Variants in C4orf51 observed in about 807,000 individuals in gnomAD.
The protein encoded by C4orf51 is chromosome 4 open reading frame 51.
In C4orf51, 25 loss-of-function variants were observed where a neutral mutation model predicts 25.2. That is an observed-to-expected ratio of 0.99 (90% confidence interval 0.72 to 1.39). The LOEUF (loss-of-function observed/expected upper bound fraction) is 1.39, where lower values mean the gene tolerates loss of function less well. Among genes scored for constraint, C4orf51 ranks in the 40% most tolerant of loss-of-function variants. The probability of loss-of-function intolerance (pLI) is 0.00; values close to 1 mark genes in which losing one functional copy is unlikely to be tolerated. For synonymous variants in C4orf51, 100 were observed against 84.5 expected, an observed-to-expected ratio of 1.18 and a Z score of -1.01; for missense variants, 252 against 239.6, an observed-to-expected ratio of 1.05 and a Z score of -0.34.
downstream of C4orf51, among the ~76,000 whole-genome samples, chr4:145,757,121 G>C (rs1488028568): frequency 6.6e-6 from 1 of 152,142 alleles, no homozygotes; most frequent in Non-Finnish European, 1.5e-5. Flanking sequence ...TTTGGTCTCA[G>C]TTTCTTTCTC....
At chr4:145,708,673 C>G (rs531128041) in intron 2 of C4orf51, among the ~76,000 whole-genome samples, 1 of 152,296 alleles carries the variant, frequency 6.6e-6, no homozygotes, top group East Asian at 1.9e-4. Flanking sequence ...ACCAGTCTTA[C>G]CATATACCCC....
At chr4:145,740,240 C>CATAAAAAAAAAAAAAAAA (rs1733023176) in intron 1 of C4orf51, among the ~76,000 whole-genome samples, 1 of 104,836 alleles carries the variant, frequency 9.5e-6, no homozygotes, top group Non-Finnish European at 1.8e-5. Flanking sequence ...TCCCTTTCTG[C>CATAAAAAAAAAAAAAAAA]AAAAAAAAAA....
At chr4:145,703,642 A>G (rs1435121367) in intron 2 of C4orf51, among the ~76,000 whole-genome samples, 1 of 152,130 alleles carries the variant, frequency 6.6e-6, no homozygotes, top group Non-Finnish European at 1.5e-5. Context: ...GCTTTAGTAA[A>G]CTTTGCTATT....
At chr4:145,781,218 GAAAAAA>G in the C4orf51 span, among the ~76,000 whole-genome samples, 15 of 70,850 alleles carry the variant, frequency 2.1e-4, no homozygotes, top group African/African-American at 7.9e-4. Flanking sequence ...AAAAAAAAAA[GAAAAAA>G]AAAGAAAAAA....
intron 1 of C4orf51, among the ~76,000 whole-genome samples, chr4:145,753,860 A>G (rs1055353833): frequency 3.9e-5 from 6 of 152,218 alleles, no homozygotes; most frequent in African/African-American, 9.7e-5. Context: ...TAGAAGAGCT[A>G]CATCCCATCA....
At chr4:145,688,768 T>C (rs1351517175) in intron 1 of C4orf51, among the ~76,000 whole-genome samples, 1 of 152,214 alleles carries the variant, frequency 6.6e-6, no homozygotes, top group Non-Finnish European at 1.5e-5. Flanking sequence ...TCTTCCCAAA[T>C]TGATTTATAG....
At chr4:145,768,544 T>C (rs1224639586) in intron 1 of C4orf51, among the ~76,000 whole-genome samples, 3 of 152,068 alleles carry the variant, frequency 2.0e-5, no homozygotes, top group African/African-American at 7.2e-5. Flanking sequence ...AATGTTAAGA[T>C]GTCAATTATC....
intron 3 of C4orf51, 104 bp downstream of exon 3, chr4:145,727,073 A>G: frequency 3.5e-6 from 3 of 866,150 alleles, no homozygotes; most frequent in Non-Finnish European, 5.5e-6. Context: ...ATTTTTAAAA[A>G]ACAATATTCA....
chr4:145,687,951 T>G (rs1413039072), intron 1 of C4orf51, among the ~76,000 whole-genome samples: 1 of 151,958 alleles, frequency 6.6e-6, no homozygotes, highest in Non-Finnish European at 1.5e-5. Flanking sequence ...AAGAGGAAAT[T>G]AAAAAGTTAG....
chr4:145,693,442 A>T (rs1729748384), intron 1 of C4orf51, among the ~76,000 whole-genome samples: 1 of 152,134 alleles, frequency 6.6e-6, no homozygotes, highest in Non-Finnish European at 1.5e-5. Context: ...CCTTCCACAC[A>T]GACACGGCAA....
At chr4:145,702,612 C>T (rs1248979112) in intron 2 of C4orf51, among the ~76,000 whole-genome samples, 3 of 152,170 alleles carry the variant, frequency 2.0e-5, no homozygotes, top group Admixed American at 1.3e-4. Context: ...CAGCTGATAT[C>T]GCCTGGTGCT....
the C4orf51 span, among the ~76,000 whole-genome samples, chr4:145,787,448 T>A: frequency 1.5e-5 from 2 of 130,036 alleles, no homozygotes; most frequent in African/African-American, 5.9e-5. Flanking sequence ...GGTGACAGAG[T>A]GAGACTCCGT....
At chr4:145,713,684 A>G (rs777149813) in intron 2 of C4orf51, among the ~76,000 whole-genome samples, 3 of 152,258 alleles carry the variant, frequency 2.0e-5, no homozygotes, top group Non-Finnish European at 4.4e-5. Flanking sequence ...ATAATATTAC[A>G]TAAACTGAAC....
intron 3 of C4orf51, among the ~76,000 whole-genome samples, chr4:145,728,775 G>A (rs60900556): frequency 0.04 from 6,161 of 152,190 alleles, 370 homozygotes; most frequent in African/African-American, 0.13. Context: ...GATAATGATA[G>A]TATATTTCCT....
intron 1 of C4orf51, among the ~76,000 whole-genome samples, chr4:145,749,893 C>CA (rs1331922227): frequency 6.6e-6 from 1 of 152,148 alleles, no homozygotes; most frequent in African/African-American, 2.4e-5. Flanking sequence ...CTCGGCCTCC[C>CA]AAAGTGCTGG....
At chr4:145,733,123 T>G (rs1732585964), downstream of C4orf51, among the ~76,000 whole-genome samples, 1 of 151,910 alleles carries the variant, frequency 6.6e-6, no homozygotes, top group Non-Finnish European at 1.5e-5. Flanking sequence ...GTAGGCTGCC[T>G]GCGCCCCCAA....
chr4:145,732,343 C>T, intron 5 of C4orf51, 110 bp from the exon 6 acceptor site: 1 of 659,180 alleles, frequency 1.5e-6, no homozygotes, highest in Non-Finnish European at 2.7e-6. Flanking sequence ...AATCCCATCT[C>T]CTGCTCATGA....
chr4:145,788,174 T>C, the C4orf51 span, among the ~76,000 whole-genome samples: 1 of 152,198 alleles, frequency 6.6e-6, no homozygotes, highest in Admixed American at 6.5e-5. Context: ...TTTTTTTTGC[T>C]TAGTGCTAGG....
rs913162365 is a variant in C4orf51, at chr4:145,762,077, A to G, written n.167-8911A>G. On this transcript the variant is annotated intron_variant and non_coding_transcript_variant, in intron 1 of 1. Transcript: ENST00000510096. The surrounding 1 kb of genome is among the most constrained non-coding windows in gnomAD (Gnocchi z 4.9). ...CAGAAAGGCTAAGAGGTTTTAAAGA[A>G]CAGCTTATAGGGGGAGCGCTACCTC... 3.3e-5 allele frequency among the ~76,000 whole-genome samples: 5 copies of G among 152,192 alleles called. No individual in the cohort carries two copies. Among genetic ancestry groups the G allele is most frequent in the Non-Finnish European group, 7.4e-5 (5 of 68,024 alleles).
Sources: gnomAD v4.1 joint callset for allele counts (sites outside exome capture counted in the v4.1 genomes callset) on GRCh38, gnomAD v4.1.1 for gene constraint, Gnocchi (gnomAD v3.1) non-coding constraint, MANE v1.5 for transcripts, NCBI Gene and HGNC (gene_info 2026-07-23, HGNC 2026-07-21) for gene names.